ELP4: variants seen among roughly 807,000 people sequenced by gnomAD.
ELP4 encodes elongator complex protein 4.
A neutral mutation model predicts 48.9 loss-of-function variants in ELP4; 51 were observed. The ratio of observed to expected loss-of-function variants is 1.04; its 90% CI spans 0.83 to 1.32. The LOEUF (loss-of-function observed/expected upper bound fraction) is 1.32. ELP4 is among the 40% of genes most tolerant of loss of function. ELP4 has a pLI of 0.00. For synonymous variants in ELP4, 210 were observed against 189.2 expected, an observed-to-expected ratio of 1.11 and a Z score of -0.90; for missense variants, 519 against 514.6, an observed-to-expected ratio of 1.01 and a Z score of -0.08.
intron 3 of ELP4, among the ~76,000 whole-genome samples, chr11:31,553,725 A>AACACACACACACACACACACACACAC (rs56921821): frequency 1.4e-5 from 2 of 140,406 alleles, no homozygotes; most frequent in Admixed American, 1.4e-4. Context: ...TGCACACACA[A>AACACACACACACACACACACACACAC]ACACACACAC....
At chr11:31,587,723 G>A (rs1957502019) in intron 3 of ELP4, among the ~76,000 whole-genome samples, 1 of 151,994 alleles carries the variant, frequency 6.6e-6, no homozygotes, top group South Asian at 2.1e-4. Flanking sequence ...TTATGGGTAA[G>A]TGTAAACTGG....
chr11:31,538,188 G>A (rs550101188), intron 2 of ELP4, among the ~76,000 whole-genome samples: 7 of 150,432 alleles, frequency 4.7e-5, no homozygotes, highest in Non-Finnish European at 8.9e-5. Flanking sequence ...AGTATAATTA[G>A]TATAGTATTA....
intron 9 of ELP4, among the ~76,000 whole-genome samples, chr11:31,753,023 C>T (rs951502055): frequency 6.6e-5 from 10 of 152,050 alleles, no homozygotes; most frequent in Admixed American, 2.0e-4. Context: ...TAAGGGTCAT[C>T]GAGAAGATTA....
chr11:31,691,822 T>C (rs1287186379), intron 9 of ELP4, among the ~76,000 whole-genome samples: 3 of 152,166 alleles, frequency 2.0e-5, no homozygotes, highest in Non-Finnish European at 4.4e-5. Flanking sequence ...TATCCCCAGA[T>C]GACACAAAGC....
intron 9 of ELP4, among the ~76,000 whole-genome samples, chr11:31,728,771 A>C (rs1190673676): frequency 2.0e-5 from 3 of 152,210 alleles, no homozygotes; most frequent in African/African-American, 7.2e-5. Context: ...TAGCTAATGC[A>C]TTTCAGGAAA....
intron 9 of ELP4, among the ~76,000 whole-genome samples, chr11:31,669,827 G>T (rs975089735): frequency 1.3e-5 from 2 of 152,178 alleles, no homozygotes; most frequent in South Asian, 2.1e-4. Flanking sequence ...TTAGTAATCA[G>T]TCCTCCAAAC....
At chr11:31,532,691 A>G (rs1319568511) in intron 2 of ELP4, among the ~76,000 whole-genome samples, 1 of 151,934 alleles carries the variant, frequency 6.6e-6, no homozygotes, top group African/African-American at 2.4e-5. Context: ...TTGTTAAACA[A>G]CAGTCATGTA....
chr11:31,602,019 G>T (rs1016494460), intron 4 of ELP4, among the ~76,000 whole-genome samples: 1 of 152,004 alleles, frequency 6.6e-6, no homozygotes. Flanking sequence ...TGTGCCCCAG[G>T]ATTCTCAAAG....
chr11:31,790,027 T>G lies in ELP4; in HGVS notation c.*6503T>G, dbSNP rs1182967446. ...CACCAGGGGAAATGAGTCCTAGAAGTGGATGAAAGAAATAGCCATGTAGAT... is the reference window on the plus strand; with the variant it reads ...CACCAGGGGAAATGAGTCCTAGAAGGGGATGAAAGAAATAGCCATGTAGAT... On this transcript the variant is annotated 3_prime_UTR_variant, in exon 10 of 10. Transcript: ENST00000640961. 2.6e-6 allele frequency: 4 copies of G among 1,548,846 alleles called. No homozygotes were observed. In the African/African-American group the frequency reaches 6.4e-5, roughly 25 times the overall value.
At chr11:31,746,464 A>G (rs1055141738) in intron 9 of ELP4, among the ~76,000 whole-genome samples, 1 of 152,222 alleles carries the variant, frequency 6.6e-6, no homozygotes, top group African/African-American at 2.4e-5. Context: ...CACTATTCAC[A>G]ATAGCAAATA....
At chr11:31,528,081 T>C (rs954847767) in intron 2 of ELP4, among the ~76,000 whole-genome samples, 2 of 152,124 alleles carry the variant, frequency 1.3e-5, no homozygotes, top group South Asian at 2.1e-4. Context: ...ACTGCTTTCC[T>C]TCCCTTTACC....
At chr11:31,692,345 T>C (rs1028906121) in intron 9 of ELP4, among the ~76,000 whole-genome samples, 10 of 152,196 alleles carry the variant, frequency 6.6e-5, no homozygotes, top group African/African-American at 1.9e-4. Flanking sequence ...TAAGTTAATA[T>C]GGTCAGTAAG....
At chr11:31,678,006 T>C (rs916789837) in intron 9 of ELP4, among the ~76,000 whole-genome samples, 1 of 152,186 alleles carries the variant, frequency 6.6e-6, no homozygotes, top group Non-Finnish European at 1.5e-5. Flanking sequence ...TACCTATTCA[T>C]CTTTCTCTCC....
At chr11:31,608,652 G>A (rs927499504) in intron 5 of ELP4, among the ~76,000 whole-genome samples, 1 of 151,856 alleles carries the variant, frequency 6.6e-6, no homozygotes, top group Non-Finnish European at 1.5e-5. Flanking sequence ...GTTGCGGTGG[G>A]CAGGAAGAGG....
In ELP4 at chr11:31,575,607, C is replaced by A. The variant is rs542368362; in HGVS notation, c.382-19163C>A. Among the ~76,000 whole-genome samples, 284 of 152,316 alleles carry A rather than the reference C, an allele frequency of 1.9e-3. 12 individuals carry two copies. The highest frequency in any genetic ancestry group is 1.9e-3 in the Non-Finnish European group (130 of 68,040). ...AGCTGATCTCTCGGCAGACATTCTA[C>A]AAACCAGAAGAGAGTGGGGGCCAAT... On this transcript the variant is annotated intron_variant, in intron 3 of 9. Transcript: ENST00000640961.
intron 9 of ELP4, among the ~76,000 whole-genome samples, chr11:31,678,736 T>G (rs199652017): frequency 1.3e-5 from 2 of 152,304 alleles, no homozygotes; most frequent in East Asian, 3.9e-4. Context: ...GTGCAGGTTT[T>G]TATGTGGACA....
intron 9 of ELP4, among the ~76,000 whole-genome samples, chr11:31,696,110 A>G (rs1946398149): frequency 6.6e-6 from 1 of 152,020 alleles, no homozygotes; most frequent in Non-Finnish European, 1.5e-5. Flanking sequence ...GATCTTTTCA[A>G]AAAACCAGCT....
chr11:31,511,786 A>G (rs1445852028), intron 1 of ELP4: 3 of 152,164 alleles, frequency 2.0e-5, no homozygotes, highest in African/African-American at 7.2e-5. Context: ...AGCACCTTCT[A>G]TACGTGTTTC....
chr11:31,695,606 G>A (rs556434494), intron 9 of ELP4, among the ~76,000 whole-genome samples: 1 of 150,570 alleles, frequency 6.6e-6, no homozygotes, highest in East Asian at 1.9e-4. Context: ...CAGGGATATT[G>A]GTCTAAAATT....
Sources: gnomAD v4.1 joint callset for allele counts (sites outside exome capture counted in the v4.1 genomes callset) on GRCh38, gnomAD v4.1.1 for gene constraint, MANE v1.5 for transcripts, NCBI Gene and HGNC (gene_info 2026-07-23, HGNC 2026-07-21) for gene names.